The following CA10 variants were observed in gnomAD, a reference collection of about 807,000 sequenced individuals.
The protein encoded by CA10 is carbonic anhydrase 10 (inactive), also known as carbonic anhydrase-related protein 10.
A neutral mutation model predicts 44.2 loss-of-function variants in CA10; 14 were observed. The observed-to-expected ratio is 0.32, with a 90% CI of 0.21 to 0.50. CA10 has a LOEUF of 0.50. Ranked by LOEUF, CA10 falls within the 20% of genes least tolerant of loss-of-function variation. The pLI, the probability that CA10 is intolerant of heterozygous loss-of-function variation, is 0.99. For missense variants in CA10, 350 were observed against 409.7 expected (o/e 0.85, Z 1.26); for synonymous variants, 159 against 141.6 (o/e 1.12, Z -0.87).
chr17:52,057,548 TCTTAG>T (rs1410691239), intron 2 of CA10, among the ~76,000 whole-genome samples: 1 of 152,080 alleles, frequency 6.6e-6, no homozygotes, highest in East Asian at 1.9e-4. Context: ...AACCATAGGC[TCTTAG>T]TAGTTGAGTT....
At chr17:51,961,337 T>G (rs1478935063) in intron 2 of CA10, among the ~76,000 whole-genome samples, 1 of 152,066 alleles carries the variant, frequency 6.6e-6, no homozygotes, top group African/African-American at 2.4e-5. Flanking sequence ...GTTACAGCAC[T>G]AAATACTGAA....
chr17:51,984,397 T>C (rs925519176), intron 2 of CA10, among the ~76,000 whole-genome samples: 2 of 151,640 alleles, frequency 1.3e-5, no homozygotes, highest in Non-Finnish European at 1.5e-5. Flanking sequence ...ATGCCTACAT[T>C]GAAAAGGCTG....
chr17:51,695,330 G>GT (rs60845298), intron 4 of CA10, among the ~76,000 whole-genome samples: 152,195 of 152,206 alleles, frequency 1, 76,092 homozygotes, highest in Middle Eastern at 1. Context: ...TTCTTTCACA[G>GT]TTTTTGTTTT....
intron 3 of CA10, among the ~76,000 whole-genome samples, chr17:51,825,294 C>T (rs185748166): frequency 4.7e-5 from 7 of 150,258 alleles, no homozygotes; most frequent in Admixed American, 1.3e-4. Context: ...GGCTTTGATG[C>T]TTTTTTCCTT....
Position 51,936,745 on chromosome 17 carries a change from T to A in CA10, c.137-5613A>T, listed in dbSNP as rs182347136. Reference sequence around the variant, plus strand: ...AGGGAAATACCATGGTCTGATTTTTTAATTAAAGGCAGGTATCTGCCTCAG... The same window carrying A: ...AGGGAAATACCATGGTCTGATTTTTAAATTAAAGGCAGGTATCTGCCTCAG... On this transcript the variant is annotated intron_variant, in intron 2 of 8. Transcript: ENST00000451037. Among the ~76,000 whole-genome samples the A allele has an allele frequency of 1.6e-3, 233 of 144,148 alleles. 1 individual carries two copies. Among genetic ancestry groups the A allele is most frequent in the African/African-American group, 5.5e-3 (224 of 40,644 alleles). 94.6% of individuals were successfully genotyped at this position (144,148 alleles called of 152,430 possible).
intron 2 of CA10, among the ~76,000 whole-genome samples, chr17:52,036,952 C>G (rs980842798): frequency 1.3e-5 from 2 of 152,116 alleles, no homozygotes; most frequent in African/African-American, 4.8e-5. Flanking sequence ...ATGAAGGACT[C>G]TAGTCCCTGC....
At chr17:51,972,422 C>G (rs1463520447) in intron 2 of CA10, among the ~76,000 whole-genome samples, 1 of 141,930 alleles carries the variant, frequency 7.0e-6, no homozygotes, top group African/African-American at 2.6e-5. Context: ...TTCTGAACAT[C>G]TAAGTTATCT....
At chr17:51,933,853 G>T (rs1248300863) in intron 2 of CA10, among the ~76,000 whole-genome samples, 3 of 152,148 alleles carry the variant, frequency 2.0e-5, no homozygotes, top group Non-Finnish European at 4.4e-5. Context: ...GTGGCAACAT[G>T]GGTGGGCAGC....
intron 1 of CA10, among the ~76,000 whole-genome samples, chr17:52,103,151 A>C (rs1264889681): frequency 6.6e-6 from 1 of 152,196 alleles, no homozygotes; most frequent in Admixed American, 6.5e-5. Flanking sequence ...TATACCCAGC[A>C]CCTGTGTTTT....
In CA10 at chr17:52,158,001, G is replaced by A; in HGVS notation, c.-215C>T. 1.7e-6 allele frequency: 1 copy of A among 600,452 alleles called. No individual in the cohort carries two copies. The highest frequency in any genetic ancestry group is 3.0e-6 in the Non-Finnish European group (1 of 333,306). The allele number at this position is 600,452 out of a possible 1,614,324, so 37.2% of individuals were successfully genotyped here. The stretch of plus-strand genomic sequence containing the variant: ...CTCCCCTCGGGCTCGACGGATGTGC[G>A]CCCCAGATGTGCTGACACATGTCCG... On this transcript the variant is annotated 5_prime_UTR_variant, in exon 1 of 9. Coordinates refer to ENST00000451037, the MANE Select transcript of CA10 (RefSeq NM_020178.5).
chr17:52,104,143 G>A (rs994178144), intron 1 of CA10, among the ~76,000 whole-genome samples: 1 of 151,396 alleles, frequency 6.6e-6, no homozygotes, highest in East Asian at 1.9e-4. Flanking sequence ...TTCCTCCTTT[G>A]GCTCCCATAC....
chr17:51,996,955 T>C (rs1985258510), intron 2 of CA10, among the ~76,000 whole-genome samples: 1 of 152,092 alleles, frequency 6.6e-6, no homozygotes, highest in South Asian at 2.1e-4. Flanking sequence ...TGTTAATAAA[T>C]TTCTGAAAAT....
At position 51,900,032 on chromosome 17, in the gene CA10, T is replaced by C. The variant is rs77575687; in HGVS notation, c.279+30958A>G. 8.6e-3 allele frequency among the ~76,000 whole-genome samples: 1,301 copies of C among 152,144 alleles called. 23 individuals carry two copies. Among genetic ancestry groups the C allele is most frequent in the Middle Eastern group, 0.038 (11 of 292 alleles). On this transcript the variant is annotated intron_variant, in intron 3 of 8. Transcript: ENST00000451037. ...TTTTAATTGGAACATTTAGCCTGTT[T>C]ACATTCAATTTTGATATGTGTAGAT... is the stretch of plus-strand genomic sequence containing the variant.
At chr17:51,678,926 G>A (rs1197240593) in intron 4 of CA10, among the ~76,000 whole-genome samples, 2 of 152,152 alleles carry the variant, frequency 1.3e-5, no homozygotes, top group Non-Finnish European at 2.9e-5. Context: ...CTAAGCTTTG[G>A]GAGAGACTAA....
chr17:51,660,536 G>C (rs1220899610), intron 4 of CA10, among the ~76,000 whole-genome samples: 2 of 152,208 alleles, frequency 1.3e-5, no homozygotes, highest in East Asian at 3.9e-4. Flanking sequence ...TTTTGTGGTA[G>C]CAAGGTGATG....
chr17:52,089,427 T>A (rs1988203209), intron 1 of CA10, among the ~76,000 whole-genome samples: 1 of 152,196 alleles, frequency 6.6e-6, no homozygotes, highest in South Asian at 2.1e-4. Context: ...AACATTTAAA[T>A]AGCTTTTATA....
chr17:51,916,952 A>T (rs898176603), intron 3 of CA10, among the ~76,000 whole-genome samples: 1 of 152,146 alleles, frequency 6.6e-6, no homozygotes, highest in African/African-American at 2.4e-5. Flanking sequence ...TCTTTCCAAC[A>T]CCAGCTACAA....
At chr17:51,839,648 A>C (rs1480771552) in intron 3 of CA10, among the ~76,000 whole-genome samples, 1 of 152,202 alleles carries the variant, frequency 6.6e-6, no homozygotes, top group Non-Finnish European at 1.5e-5. Flanking sequence ...ATAACTAGAC[A>C]TATAAAGTAA....
rs554740749 is a variant in CA10 at position 51,820,307 on chromosome 17, G to A, written c.280-72489C>T. ...GCATGTACAGTGAACCTCCCCAACT[G>A]ACACACAGTGGGTATTCAGTCAATG... On this transcript the variant is annotated intron_variant, in intron 3 of 8. Coordinates refer to ENST00000451037, the MANE Select transcript of CA10 (RefSeq NM_020178.5). Among the ~76,000 whole-genome samples, 743 of 146,716 alleles carry A rather than the reference G, an allele frequency of 5.1e-3. 4 individuals are homozygous for A. The highest frequency in any genetic ancestry group is 0.018 in the African/African-American group (698 of 39,482).
Sources: allele counts gnomAD v4.1 joint callset (sites outside exome capture counted in the v4.1 genomes callset), GRCh38; gene constraint gnomAD v4.1.1; transcripts MANE v1.5; gene names NCBI Gene and HGNC (gene_info 2026-07-23, HGNC 2026-07-21).